Variants in FNBP1 observed in about 807,000 individuals in gnomAD.
FNBP1 encodes formin binding protein 1.
Under a neutral mutation model 90.6 loss-of-function variants are expected in FNBP1, and 26 were observed. The observed-to-expected ratio is 0.29, with a 90% confidence interval of 0.21 to 0.40. The LOEUF (loss-of-function observed/expected upper bound fraction) is 0.40. Among genes scored for constraint, FNBP1 ranks in the 10% least tolerant of loss-of-function variants. The pLI is 1.00. For synonymous variants in FNBP1, 260 were observed against 265.2 expected (o/e 0.98, Z 0.19); for missense variants, 635 against 768.0 (o/e 0.83, Z 2.05).
At chr9:129,964,204 G>C (rs1250143401) in intron 4 of FNBP1, among the ~76,000 whole-genome samples, 1 of 152,172 alleles carries the variant, frequency 6.6e-6, no homozygotes, top group Non-Finnish European at 1.5e-5. Context: ...TGGACAGTGA[G>C]CAAGTGTGTG....
At chr9:129,914,083 T>A (rs2039833131) in intron 11 of FNBP1, among the ~76,000 whole-genome samples, 1 of 151,778 alleles carries the variant, frequency 6.6e-6, no homozygotes, top group Non-Finnish European at 1.5e-5. Context: ...CTAGAACTCC[T>A]GGGCGCAAAT....
rs1464084048 is a variant in FNBP1, at chr9:129,900,488, C to T, written c.1488G>A (p.Gln496=). The change falls in exon 14 of 17, where the codon CAG becomes CAA. Residue 496 remains glutamine (Q), a synonymous_variant. Coordinates refer to ENST00000446176, the MANE Select transcript of FNBP1 (RefSeq NM_015033.3). The surrounding 1 kb of genome is among the most constrained non-coding windows in gnomAD (Gnocchi z 4.1). The part of the protein sequence containing the change: ...LPARSEQARR[Q]SGLYDSQNPP... ...GGTTCTGGCTGTCGTACAGTCCGCTCTGCCGGCGCGCCTGCTCGCTGCGTG... is the reference window on the plus strand; with the variant it reads ...GGTTCTGGCTGTCGTACAGTCCGCTTTGCCGGCGCGCCTGCTCGCTGCGTG... The T allele has an allele frequency of 3.7e-6, 6 of 1,602,608 alleles. No homozygotes were observed. Among genetic ancestry groups the T allele is most frequent in the Middle Eastern group, 3.4e-4 (2 of 5,942 alleles).
At chr9:129,947,413 C>G (rs2045469656) in intron 6 of FNBP1, among the ~76,000 whole-genome samples, 1 of 140,468 alleles carries the variant, frequency 7.1e-6, no homozygotes, top group African/African-American at 2.8e-5. Flanking sequence ...GCACTCCAGC[C>G]TGGGCAACAA....
chr9:130,046,608 C>CA (rs1197444403), upstream of FNBP1, among the ~76,000 whole-genome samples: 292 of 127,440 alleles, frequency 2.3e-3, 2 homozygotes, highest in African/African-American at 5.5e-3. Flanking sequence ...AAAAAAACAC[C>CA]AAAAAAAAAA....
At chr9:129,903,880 T>A (rs1293667922) in intron 12 of FNBP1, among the ~76,000 whole-genome samples, 1 of 151,982 alleles carries the variant, frequency 6.6e-6, no homozygotes, top group African/African-American at 2.4e-5. Context: ...CTACTAAAAT[T>A]ACAAAAATTA....
At chr9:129,905,865 T>G (rs1003187214) in intron 12 of FNBP1, among the ~76,000 whole-genome samples, 2 of 148,920 alleles carry the variant, frequency 1.3e-5, no homozygotes, top group African/African-American at 5.0e-5. Context: ...TGTGGCTTAT[T>G]TAGAGGCATA....
chr9:130,033,951 G>C (rs2059049420), intron 1 of FNBP1, among the ~76,000 whole-genome samples: 1 of 150,924 alleles, frequency 6.6e-6, no homozygotes, highest in South Asian at 2.1e-4. Flanking sequence ...GGGAGGCAGA[G>C]CTTGCAGTGA....
intron 6 of FNBP1, among the ~76,000 whole-genome samples, chr9:129,934,650 C>A (rs566344250): frequency 8.0e-4 from 122 of 151,966 alleles, no homozygotes; most frequent in African/African-American, 2.8e-3. Flanking sequence ...TGGCTCACTG[C>A]AACCTCTGCC....
chr9:130,011,576 T>C (rs4837447), intron 1 of FNBP1, among the ~76,000 whole-genome samples: 10,258 of 151,992 alleles, frequency 0.067, 470 homozygotes, highest in East Asian at 0.15. Context: ...CCCTTCCCCA[T>C]GTGGCAACAC....
At chr9:129,998,964 G>T (rs1420149471) in intron 1 of FNBP1, among the ~76,000 whole-genome samples, 1 of 152,144 alleles carries the variant, frequency 6.6e-6, no homozygotes, top group Non-Finnish European at 1.5e-5. Flanking sequence ...GCTTGTTTGT[G>T]ACTATAGCAG....
intron 11 of FNBP1, among the ~76,000 whole-genome samples, chr9:129,910,988 GA>G (rs2039172936): frequency 6.6e-6 from 1 of 152,030 alleles, no homozygotes; most frequent in African/African-American, 2.4e-5. Context: ...TAAAAATAAA[GA>G]CTTGTTTTCC....
rs568650197 is a variant in FNBP1 at position 129,887,744 on chromosome 9, G to A, written c.*2795C>T. 127 of 224,648 alleles carry A rather than the reference G, an allele frequency of 5.7e-4. No homozygotes were observed. Among genetic ancestry groups the A allele is most frequent in the African/African-American group, 2.7e-3 (121 of 44,922 alleles). 13.9% of individuals were successfully genotyped at this position (224,648 alleles called of 1,614,324 possible). A position where few individuals can be genotyped will look rare whatever the true frequency, so the allele number is the denominator to read the frequency against. On this transcript the variant is annotated 3_prime_UTR_variant, in exon 17 of 17. Transcript: ENST00000446176. ...AGGACAAGTTCCTCCCTTTCACTGC[G>A]TTTCTAAGAACTTTTCAGGGCAGGT...
At chr9:130,049,571 G>A in the FNBP1 span, among the ~76,000 whole-genome samples, 24 of 151,790 alleles carry the variant, frequency 1.6e-4, no homozygotes, top group African/African-American at 4.3e-4. Context: ...AAATTAGCCC[G>A]GCACGGTTGT....
At chr9:129,961,742 G>A (rs1220430917) in intron 4 of FNBP1, among the ~76,000 whole-genome samples, 1 of 151,906 alleles carries the variant, frequency 6.6e-6, no homozygotes, top group Non-Finnish European at 1.5e-5. Context: ...GACCCACCAC[G>A]CCCAGCTAAT....
chr9:130,001,324 C>CAAAAAAAAAAAAAAAAA (rs748630037), intron 1 of FNBP1, among the ~76,000 whole-genome samples: 1 of 10,892 alleles, frequency 9.2e-5, no homozygotes. Flanking sequence ...AAAAACAAAA[C>CAAAAAAAAAAAAAAAAA]AAAACAAAAA....
intron 1 of FNBP1, among the ~76,000 whole-genome samples, chr9:130,012,918 C>T (rs1049159075): frequency 1.3e-5 from 2 of 152,138 alleles, no homozygotes; most frequent in African/African-American, 2.4e-5. Flanking sequence ...GGAGTAGAGG[C>T]GTGAGCCACC....
At chr9:130,014,531 C>T (rs999609428) in intron 1 of FNBP1, among the ~76,000 whole-genome samples, 2 of 152,152 alleles carry the variant, frequency 1.3e-5, no homozygotes, top group African/African-American at 4.8e-5. Context: ...GGATTACAGG[C>T]ATGAGCCACC....
At chr9:130,005,434 C>T (rs2055545936) in intron 1 of FNBP1, among the ~76,000 whole-genome samples, 1 of 150,224 alleles carries the variant, frequency 6.7e-6, no homozygotes, top group Non-Finnish European at 1.5e-5. Flanking sequence ...CTCCGCCTCT[C>T]GGGTTCAAGC....
At chr9:130,052,869 CT>C in the FNBP1 span, among the ~76,000 whole-genome samples, 1 of 151,934 alleles carries the variant, frequency 6.6e-6, no homozygotes, top group Non-Finnish European at 1.5e-5. Flanking sequence ...AATCCCAGCA[CT>C]TTGGGAGGCC....
Sources: allele counts gnomAD v4.1 joint callset (sites outside exome capture counted in the v4.1 genomes callset), GRCh38; gene constraint gnomAD v4.1.1; non-coding constraint Gnocchi (gnomAD v3.1); transcripts MANE v1.5; gene names NCBI Gene and HGNC (gene_info 2026-07-23, HGNC 2026-07-21).